The following CFAP52 variants were observed in gnomAD, a reference collection of about 807,000 sequenced individuals.
The protein encoded by CFAP52 is cilia- and flagella-associated protein 52.
CFAP52 carries 57 observed loss-of-function variants against 70.5 expected under a neutral mutation model. The observed-to-expected ratio is 0.81, with a 90% CI of 0.65 to 1.01. The LOEUF (loss-of-function observed/expected upper bound fraction) is 1.01. Ranked by LOEUF, CFAP52 falls within the 50% of genes least tolerant of loss-of-function variation. CFAP52 has a pLI of 0.00. For synonymous variants in CFAP52, 267 were observed against 292.5 expected (o/e 0.91, Z 0.89); for missense variants, 785 against 788.5 (o/e 1.00, Z 0.05).
chr17:9,622,503 T>G (rs1003370520), intron 8 of CFAP52, among the ~76,000 whole-genome samples: 1 of 151,086 alleles, frequency 6.6e-6, no homozygotes. Flanking sequence ...ATCACACCAG[T>G]GCATGCCAGC....
At position 9,596,059 on chromosome 17, in the gene CFAP52, G is replaced by GTATGTATA. The variant is rs1555541608; in HGVS notation, c.536+1741_536+1742insGTATATAT. ...TATGTATGTAGATATATATGTGTGT[G>GTATGTATA]TATATATATATATATATATATATAT... On this transcript the variant is annotated intron_variant, in intron 4 of 13. Coordinates refer to ENST00000352665, the MANE Select transcript of CFAP52 (RefSeq NM_145054.5). 1.7e-3 allele frequency among the ~76,000 whole-genome samples: 148 copies of GTATGTATA among 85,162 alleles called. 1 individual carries two copies. The highest frequency in any genetic ancestry group is 0.013 in the East Asian group (28 of 2,094). The allele number at this position is 85,162 out of a possible 152,430, so 55.9% of individuals were successfully genotyped here. A position where few individuals can be genotyped will look rare whatever the true frequency, so the allele number is the denominator to read the frequency against.
intron 6 of CFAP52, among the ~76,000 whole-genome samples, chr17:9,606,532 C>T (rs1909497435): frequency 6.6e-6 from 1 of 152,164 alleles, no homozygotes; most frequent in Admixed American, 6.5e-5. Context: ...CCATTTTCAT[C>T]CCTGCTTTAC....
rs778927562 is a variant in CFAP52, at chr17:9,585,924, G to A, written c.222G>A (p.Arg74=). The A allele has an allele frequency of 6.8e-6, 11 of 1,613,598 alleles. No individual in the cohort carries two copies. Among genetic ancestry groups the A allele is most frequent in the Non-Finnish European group, 8.5e-6 (10 of 1,179,916 alleles). The change falls in exon 2 of 14, where the codon AGG becomes AGA. Residue 74 remains arginine, a synonymous_variant. Coordinates refer to ENST00000352665, the MANE Select transcript of CFAP52 (RefSeq NM_145054.5). ...GNNVSCLAIS[R]SGEYIASGQV... ...ACGTCTCCTGCTTGGCCATCTCCAG[G>A]TCTGGAGAGTACATCGCCTCCGGAC...
chr17:9,596,036 T>C (rs1360737098), intron 4 of CFAP52, among the ~76,000 whole-genome samples: 1 of 138,954 alleles, frequency 7.2e-6, no homozygotes, highest in African/African-American at 2.6e-5. Flanking sequence ...CATATGTATA[T>C]GTATGTAGAT....
chr17:9,631,028 A>AAGAAAGAGAGAG (rs1555544250), intron 9 of CFAP52, among the ~76,000 whole-genome samples: 7 of 44,734 alleles, frequency 1.6e-4, no homozygotes, highest in African/African-American at 3.6e-4. Context: ...GAAAGAAAGA[A>AAGAAAGAGAGAG]AGAGAGAGAG....
intron 8 of CFAP52, among the ~76,000 whole-genome samples, chr17:9,622,552 A>AAAAG (rs1555543659): frequency 2.0e-5 from 3 of 151,376 alleles, no homozygotes; most frequent in Non-Finnish European, 2.9e-5. Flanking sequence ...ATTAAAAAAA[A>AAAAG]AAGAAGAAGA....
intron 1 of CFAP52, among the ~76,000 whole-genome samples, chr17:9,581,186 G>A (rs113879411): frequency 1.3e-5 from 2 of 152,144 alleles, no homozygotes; most frequent in South Asian, 2.1e-4. Flanking sequence ...GCGCGGTGGC[G>A]GGCACCTGTA....
chr17:9,644,254 C>G (rs1169106376), downstream of CFAP52, among the ~76,000 whole-genome samples: 2 of 152,084 alleles, frequency 1.3e-5, no homozygotes, highest in East Asian at 3.9e-4. Flanking sequence ...TACAGGCATG[C>G]GCCACCACGC....
intron 7 of CFAP52, among the ~76,000 whole-genome samples, chr17:9,611,329 T>C (rs1311119597): frequency 1.3e-5 from 2 of 151,662 alleles, no homozygotes; most frequent in Non-Finnish European, 2.9e-5. Context: ...CTCCTTAAGG[T>C]TCTGGCAAAG....
chr17:9,631,052 G>GAAAGAAAGAA (rs1555544296), intron 9 of CFAP52, among the ~76,000 whole-genome samples: 2,729 of 37,944 alleles, frequency 0.072, 243 homozygotes, highest in Admixed American at 0.12. Context: ...GAGAGAGAGA[G>GAAAGAAAGAA]AGAAAGAAAG....
At chr17:9,622,925 A>G (rs758810453) in intron 8 of CFAP52, among the ~76,000 whole-genome samples, 12 of 152,146 alleles carry the variant, frequency 7.9e-5, no homozygotes, top group Non-Finnish European at 1.8e-4. Flanking sequence ...GAATATTTCA[A>G]TATGTACTTT....
At chr17:9,580,778 A>G (rs542146496) in intron 1 of CFAP52, among the ~76,000 whole-genome samples, 1 of 152,230 alleles carries the variant, frequency 6.6e-6, no homozygotes, top group African/African-American at 2.4e-5. Context: ...GGGTAATATA[A>G]TAAGGTGAGA....
chr17:9,623,453 T>C (rs975319664), intron 8 of CFAP52, among the ~76,000 whole-genome samples: 2 of 152,218 alleles, frequency 1.3e-5, no homozygotes, highest in African/African-American at 2.4e-5. Context: ...TTGTATTAAA[T>C]CTTTATACAA....
intron 8 of CFAP52, among the ~76,000 whole-genome samples, chr17:9,622,796 A>C (rs1910096249): frequency 6.6e-6 from 1 of 152,178 alleles, no homozygotes; most frequent in African/African-American, 2.4e-5. Flanking sequence ...CTGGTAAAGC[A>C]ATAGAACATT....
intron 9 of CFAP52, 122 bp from the exon 10 acceptor site, chr17:9,632,766 G>C: frequency 7.2e-7 from 1 of 1,392,494 alleles, no homozygotes. Context: ...CAGCTGAGCT[G>C]GTCTCTTTCC....
chr17:9,598,198 T>C (rs750092026), intron 4 of CFAP52, 36 bp from the exon 5 acceptor site: 23 of 1,510,680 alleles, frequency 1.5e-5, no homozygotes, highest in Middle Eastern at 1.9e-4. Context: ...TGGGTGTCCA[T>C]TTGATTGTGG....
chr17:9,631,028 A>AAGAGAGAGAGAGAGAGAGAG (rs761523039), intron 9 of CFAP52, among the ~76,000 whole-genome samples: 30 of 44,662 alleles, frequency 6.7e-4, no homozygotes, highest in East Asian at 2.1e-3. Context: ...GAAAGAAAGA[A>AAGAGAGAGAGAGAGAGAGAG]AGAGAGAGAG....
In CFAP52 at chr17:9,580,571, C is replaced by A. The variant is rs762871417; in HGVS notation, c.70+3806C>A. Among the ~76,000 whole-genome samples, 9 of 151,950 alleles carry A rather than the reference C, an allele frequency of 5.9e-5. 1 individual carries two copies. The highest frequency in any genetic ancestry group is 1.2e-4 in the Non-Finnish European group (8 of 67,968). The stretch of plus-strand genomic sequence containing the variant: ...AGGCATGGCGATGCATGCCTGTAGT[C>A]CCAGCTATTCGAGAGGCTGAGGTGG... On this transcript the variant is annotated intron_variant, in intron 1 of 13. Transcript: ENST00000352665.
chr17:9,616,373 T>C (rs1291403653), intron 8 of CFAP52, among the ~76,000 whole-genome samples: 4 of 118,286 alleles, frequency 3.4e-5, no homozygotes, highest in Non-Finnish European at 6.9e-5. Context: ...CGCTGATTGC[T>C]AGCACAGCAG....
Sources: gnomAD v4.1 joint callset for allele counts (sites outside exome capture counted in the v4.1 genomes callset) on GRCh38, gnomAD v4.1.1 for gene constraint, MANE v1.5 for transcripts, NCBI Gene and HGNC (gene_info 2026-07-23, HGNC 2026-07-21) for gene names.